Variants in ATP6V1C2 observed in about 807,000 individuals in gnomAD.
ATP6V1C2 encodes ATPase H+ transporting V1 subunit C2.
A neutral mutation model predicts 56.8 loss-of-function variants in ATP6V1C2; 45 were observed. The ratio of observed to expected loss-of-function variants is 0.79; its 90% confidence interval spans 0.62 to 1.02. The LOEUF (loss-of-function observed/expected upper bound fraction) is 1.02. Among genes scored for constraint, ATP6V1C2 ranks in the 50% least tolerant of loss-of-function variants. The pLI is 0.00. For missense variants in ATP6V1C2, 463 were observed against 519.7 expected (o/e 0.89, Z 1.06); for synonymous variants, 220 against 201.3 (o/e 1.09, Z -0.79).
At chr2:10,776,989 G>A (rs1248564406) in intron 10 of ATP6V1C2, among the ~76,000 whole-genome samples, 4 of 152,180 alleles carry the variant, frequency 2.6e-5, no homozygotes, top group Admixed American at 1.3e-4. Flanking sequence ...ATGACCAAAC[G>A]TCTTGCATCC....
In ATP6V1C2 at chr2:10,764,205, GC is replaced by G. The variant is rs1476214104; in HGVS notation, c.284-123del. Reference sequence around the variant, plus strand: ...TTTGCTTTTCCAGAGCCCTGTGCCTGCCCGCCGGCGTTGCCCATGATGGCTG... The same window carrying G: ...TTTGCTTTTCCAGAGCCCTGTGCCTGCCGCCGGCGTTGCCCATGATGGCTG... On this transcript the variant is annotated intron_variant, in intron 4 of 13. Coordinates refer to ENST00000272238, the MANE Select transcript of ATP6V1C2 (RefSeq NM_001039362.2). 10 of 778,044 alleles carry G rather than the reference GC, an allele frequency of 1.3e-5. No individual in the cohort carries two copies. The African/African-American group carries it at 1.7e-4, about 13-fold the overall frequency. The allele number at this position is 778,044 out of a possible 1,614,324, so 48.2% of individuals were successfully genotyped here. A position where few individuals can be genotyped will look rare whatever the true frequency, so the allele number is the denominator to read the frequency against.
chr2:10,749,088 C>T (rs967595502), intron 3 of ATP6V1C2, among the ~76,000 whole-genome samples: 3 of 145,452 alleles, frequency 2.1e-5, no homozygotes, highest in Non-Finnish European at 4.5e-5. Context: ...CGAGATCACA[C>T]CATTGTATTC....
chr2:10,721,550 C>G (rs1185931452), upstream of ATP6V1C2: 1 of 152,132 alleles, frequency 6.6e-6, no homozygotes, highest in Non-Finnish European at 1.5e-5. Flanking sequence ...GGGAGGCGGA[C>G]GGCCCGTATG....
intron 13 of ATP6V1C2, among the ~76,000 whole-genome samples, 198 bp from the exon 14 acceptor site, chr2:10,782,976 C>G (rs930743997): frequency 6.6e-6 from 1 of 151,204 alleles, no homozygotes; most frequent in East Asian, 1.9e-4. Context: ...CAAAACAAAG[C>G]AAAACTATCT....
chr2:10,755,387 G>A (rs527620273), intron 4 of ATP6V1C2, among the ~76,000 whole-genome samples: 157 of 152,126 alleles, frequency 1.0e-3, no homozygotes, highest in Non-Finnish European at 1.7e-3. Context: ...TCGCAATGTC[G>A]CCCAGGCTGG....
At chr2:10,764,446 G>C in intron 5 of ATP6V1C2, 21 bp downstream of exon 5, 1 of 1,606,050 alleles carries the variant, frequency 6.2e-7, no homozygotes, top group East Asian at 2.2e-5. Context: ...GGACTGCTCT[G>C]GGGAACAGCT....
At chr2:10,765,000 G>A (rs1398750451) in intron 5 of ATP6V1C2, among the ~76,000 whole-genome samples, 1 of 151,924 alleles carries the variant, frequency 6.6e-6, no homozygotes. Context: ...GTTACTGATG[G>A]TGAAGGCAGC....
rs772349444 is a variant in ATP6V1C2 at position 10,785,047 on chromosome 2, C to G, written c.*1784C>G. 47 of 1,479,130 alleles carry G rather than the reference C, an allele frequency of 3.2e-5. No homozygotes were observed. In the Middle Eastern group the frequency reaches 5.1e-4, roughly 16 times the overall value. The allele number at this position is 1,479,130 out of a possible 1,614,324, so 91.6% of individuals were successfully genotyped here. A position where few individuals can be genotyped will look rare whatever the true frequency, so the allele number is the denominator to read the frequency against. ...GAGAGCTCCCTTAGGGAAAAATGAC[C>G]AAAACACACACACACATTTACAATG... On this transcript the variant is annotated 3_prime_UTR_variant, in exon 14 of 14. Transcript: ENST00000272238.
At chr2:10,752,149 A>G (rs1412338096) in intron 3 of ATP6V1C2, among the ~76,000 whole-genome samples, 1 of 152,232 alleles carries the variant, frequency 6.6e-6, no homozygotes, top group Non-Finnish European at 1.5e-5. Context: ...AGAATATGAA[A>G]TGTGTTCCCT....
At chr2:10,775,814 T>C (rs545980149) in intron 10 of ATP6V1C2, among the ~76,000 whole-genome samples, 2 of 152,268 alleles carry the variant, frequency 1.3e-5, no homozygotes, top group South Asian at 2.1e-4. Context: ...TGGAATGTTT[T>C]TGGGACCCTT....
Position 10,774,873 on chromosome 2 carries a change from G to A in ATP6V1C2, c.724G>A (p.Glu242Lys). 1 of 1,614,188 alleles carries A rather than the reference G, an allele frequency of 6.2e-7. No homozygotes were observed. Among genetic ancestry groups the A allele is most frequent in the Non-Finnish European group, 8.5e-7 (1 of 1,180,010 alleles). Residue 242 changes from glutamate (E) to lysine (K), a missense_variant, in exon 9 of 14, where the codon GAA becomes AAA. Glu to Lys is a moderately conservative substitution (Grantham distance 56). Coordinates refer to ENST00000272238, the MANE Select transcript of ATP6V1C2 (RefSeq NM_001039362.2). ...VIEDFKTKAKENKFTVREFYY... is the reference protein window; with the variant it reads ...VIEDFKTKAKKNKFTVREFYY... Reference sequence around the variant, plus strand: ...TGAAGATTTCAAAACCAAGGCCAAAGAAAACAAGTAAGGGTCCTCCAGGTT... The same window carrying A: ...TGAAGATTTCAAAACCAAGGCCAAAAAAAACAAGTAAGGGTCCTCCAGGTT...
intron 3 of ATP6V1C2, among the ~76,000 whole-genome samples, chr2:10,735,585 CT>C (rs112678143): frequency 0.017 from 2,375 of 141,778 alleles, 43 homozygotes; most frequent in African/African-American, 0.052. Flanking sequence ...ATCTCCTGGT[CT>C]TTTTTTTTTT....
intron 3 of ATP6V1C2, among the ~76,000 whole-genome samples, chr2:10,751,606 G>A (rs189217382): frequency 1.3e-5 from 2 of 152,224 alleles, no homozygotes; most frequent in East Asian, 1.9e-4. Flanking sequence ...CCTGGTGGCC[G>A]AGAGCCTCAC....
Position 10,784,800 on chromosome 2 carries a change from A to C in ATP6V1C2, c.*1537A>C. 3.2e-6 allele frequency: 2 copies of C among 630,780 alleles called. No individual in the cohort carries two copies. The highest frequency in any genetic ancestry group is 5.6e-6 in the Non-Finnish European group (2 of 355,862). 39.1% of individuals were successfully genotyped at this position (630,780 alleles called of 1,614,324 possible). A position where few individuals can be genotyped will look rare whatever the true frequency, so the allele number is the denominator to read the frequency against. On this transcript the variant is annotated 3_prime_UTR_variant, in exon 14 of 14. Coordinates refer to ENST00000272238, the MANE Select transcript of ATP6V1C2 (RefSeq NM_001039362.2). ...GAAGATGAAGGGTCTTCAGAGAAGA[A>C]CCTCTTAAAAGGCCCACGGGTGCAC... is the stretch of plus-strand genomic sequence containing the variant.
Position 10,750,763 on chromosome 2 carries a change from TGTG to T in ATP6V1C2, c.198-3214_198-3212del, listed in dbSNP as rs537147976. ...TAACTACTCAAAATATTATAGGGGA[TGTG>T]GTGATAGGAGACAGCAACTCCCACA... On this transcript the variant is annotated intron_variant, in intron 3 of 13. Coordinates refer to ENST00000272238, the MANE Select transcript of ATP6V1C2 (RefSeq NM_001039362.2). 3.1e-4 allele frequency among the ~76,000 whole-genome samples: 47 copies of T among 152,158 alleles called. 1 individual carries two copies. In the East Asian group the frequency reaches 7.5e-3, roughly 24 times the overall value.
At chr2:10,772,496 G>A (rs368953674) in intron 7 of ATP6V1C2, 46 bp from the exon 8 acceptor site, 34 of 1,539,186 alleles carry the variant, frequency 2.2e-5, no homozygotes, top group Non-Finnish European at 2.4e-5. Flanking sequence ...GGACACCCAC[G>A]AGCCTTTTCT....
Position 10,784,290 on chromosome 2 carries a change from C to G in ATP6V1C2, c.*1027C>G. 1 of 1,613,446 alleles carries G rather than the reference C, an allele frequency of 6.2e-7. No individual in the cohort carries two copies. The highest frequency in any genetic ancestry group is 2.2e-5 in the East Asian group (1 of 44,834). On this transcript the variant is annotated 3_prime_UTR_variant, in exon 14 of 14. Coordinates refer to ENST00000272238, the MANE Select transcript of ATP6V1C2 (RefSeq NM_001039362.2). ...TCATCTTTCCCTAAGTCATCAAGCTCCACATCACTGAGGTCAATGTCATCC... is the reference window on the plus strand; with the variant it reads ...TCATCTTTCCCTAAGTCATCAAGCTGCACATCACTGAGGTCAATGTCATCC...
chr2:10,768,081 A>T (rs1009459806), intron 5 of ATP6V1C2: 4 of 152,406 alleles, frequency 2.6e-5, no homozygotes, highest in Non-Finnish European at 5.9e-5. Context: ...ACCGTGGTGT[A>T]AATGCTCCTG....
intron 13 of ATP6V1C2, among the ~76,000 whole-genome samples, chr2:10,782,890 G>A (rs1572635354): frequency 7.0e-6 from 1 of 143,336 alleles, no homozygotes; most frequent in Non-Finnish European, 1.5e-5. Context: ...GTGCATGCCT[G>A]TAATCCCAGC....
Sources: allele counts gnomAD v4.1 joint callset (sites outside exome capture counted in the v4.1 genomes callset), GRCh38; gene constraint gnomAD v4.1.1; transcripts MANE v1.5; gene names NCBI Gene and HGNC (gene_info 2026-07-23, HGNC 2026-07-21).